The following DLG2 variants were observed in gnomAD, a reference collection of about 807,000 sequenced individuals.
The protein encoded by DLG2 is disks large homolog 2.
A neutral mutation model predicts 132.5 loss-of-function variants in DLG2; 45 were observed. That is an observed-to-expected ratio of 0.34 (90% confidence interval 0.27 to 0.44). The LOEUF (loss-of-function observed/expected upper bound fraction) is 0.44. DLG2 is among the 20% of genes least tolerant of loss of function. DLG2 has a pLI of 1.00. For synonymous variants in DLG2, 424 were observed against 419.6 expected, an observed-to-expected ratio of 1.01 and a Z score of -0.13; for missense variants, 1,045 against 1,196.9, an observed-to-expected ratio of 0.87 and a Z score of 1.87.
At chr11:85,129,509 C>T (rs2075480174) in intron 5 of DLG2, among the ~76,000 whole-genome samples, 1 of 152,128 alleles carries the variant, frequency 6.6e-6, no homozygotes, top group Admixed American at 6.6e-5. Flanking sequence ...GAGATGGTAT[C>T]TCATTGTGGT....
intron 6 of DLG2, among the ~76,000 whole-genome samples, chr11:85,074,356 ACT>A (rs931736880): frequency 6.6e-6 from 1 of 151,846 alleles, no homozygotes; most frequent in Non-Finnish European, 1.5e-5. Context: ...CATTTCTACC[ACT>A]TTTTTGCCAG....
At chr11:83,778,015 C>T (rs1318838824) in intron 18 of DLG2, among the ~76,000 whole-genome samples, 1 of 152,068 alleles carries the variant, frequency 6.6e-6, no homozygotes, top group African/African-American at 2.4e-5. Flanking sequence ...AGGGACAGGA[C>T]GAGAAAAGTG....
In DLG2 at chr11:85,257,030, A is replaced by G. The variant is rs558538053; in HGVS notation, c.186+28190T>C. Among the ~76,000 whole-genome samples the G allele has an allele frequency of 1.3e-5, 2 of 152,352 alleles. 1 individual carries two copies. Reference sequence around the variant, plus strand: ...CAGGCTGAAAAAATGGAAAGTGTACATGTGAGCTAAATGTAGAAAATGAAA... The same window carrying G: ...CAGGCTGAAAAAATGGAAAGTGTACGTGTGAGCTAAATGTAGAAAATGAAA... On this transcript the variant is annotated intron_variant, in intron 4 of 27. Transcript: ENST00000376104.
At chr11:84,935,654 T>A (rs985090572) in intron 6 of DLG2, among the ~76,000 whole-genome samples, 1 of 152,168 alleles carries the variant, frequency 6.6e-6, no homozygotes, top group African/African-American at 2.4e-5. Flanking sequence ...GGGAAGAGTG[T>A]TATTGGCATC....
intron 4 of DLG2, among the ~76,000 whole-genome samples, chr11:85,224,980 G>C (rs1595520360): frequency 6.6e-6 from 1 of 152,066 alleles, no homozygotes; most frequent in Non-Finnish European, 1.5e-5. Flanking sequence ...ACTTTGATTA[G>C]AGAAGAGTGC....
chr11:85,032,925 A>G (rs1027935203), intron 6 of DLG2, among the ~76,000 whole-genome samples: 2 of 152,208 alleles, frequency 1.3e-5, no homozygotes, highest in African/African-American at 4.8e-5. Context: ...CTAATGCATT[A>G]AAAGCATCTG....
At chr11:85,429,811 G>A (rs2091040509) in intron 3 of DLG2, among the ~76,000 whole-genome samples, 1 of 152,084 alleles carries the variant, frequency 6.6e-6, no homozygotes, top group Non-Finnish European at 1.5e-5. Context: ...GATTCCTCAG[G>A]GATCTAGAAC....
At chr11:85,421,309 G>T (rs1371126100) in intron 3 of DLG2, among the ~76,000 whole-genome samples, 1 of 151,916 alleles carries the variant, frequency 6.6e-6, no homozygotes, top group African/African-American at 2.4e-5. Context: ...GATGAGCTGG[G>T]TACCTCAGTT....
chr11:83,479,241 T>C (rs762321162), intron 22 of DLG2, among the ~76,000 whole-genome samples: 2 of 152,092 alleles, frequency 1.3e-5, no homozygotes, highest in Non-Finnish European at 2.9e-5. Context: ...ATCTTTCCAC[T>C]TTTGTGCTGC....
intron 3 of DLG2, among the ~76,000 whole-genome samples, chr11:85,399,935 T>C (rs1030935668): frequency 6.6e-6 from 1 of 151,972 alleles, no homozygotes; most frequent in African/African-American, 2.4e-5. Flanking sequence ...ACCAATGGGA[T>C]CTAATTAAAC....
At chr11:84,078,628 A>G (rs1259612173) in intron 10 of DLG2, among the ~76,000 whole-genome samples, 1 of 152,230 alleles carries the variant, frequency 6.6e-6, no homozygotes, top group Non-Finnish European at 1.5e-5. Flanking sequence ...AGGTCAATTG[A>G]AGATCTGGAT....
At chr11:84,574,816 G>T (rs2099495251) in intron 6 of DLG2, among the ~76,000 whole-genome samples, 2 of 152,094 alleles carry the variant, frequency 1.3e-5, no homozygotes, top group South Asian at 4.2e-4. Flanking sequence ...TCAGTGACTG[G>T]AACCACCATC....
chr11:83,887,887 CA>C (rs1313075450), intron 15 of DLG2, among the ~76,000 whole-genome samples: 1 of 150,500 alleles, frequency 6.6e-6, no homozygotes, highest in East Asian at 1.9e-4. Context: ...AGGCCTTTGA[CA>C]AAATTCAACA....
At chr11:84,149,322 G>A (rs2095211882) in intron 9 of DLG2, among the ~76,000 whole-genome samples, 1 of 152,000 alleles carries the variant, frequency 6.6e-6, no homozygotes, top group African/African-American at 2.4e-5. Flanking sequence ...TATTTCTTGG[G>A]CTTTCTTTTA....
chr11:84,752,142 T>TTTGA (rs970394088), intron 6 of DLG2, among the ~76,000 whole-genome samples: 7 of 152,336 alleles, frequency 4.6e-5, no homozygotes, highest in Admixed American at 3.3e-4. Context: ...AGGTGGTTTG[T>TTTGA]ATTCAAGTTC....
chr11:83,716,351 A>T (rs1484627970), intron 18 of DLG2, among the ~76,000 whole-genome samples: 2 of 152,198 alleles, frequency 1.3e-5, no homozygotes, highest in African/African-American at 4.8e-5. Flanking sequence ...GTTCTTGGCC[A>T]GTTGTCTTAC....
intron 6 of DLG2, among the ~76,000 whole-genome samples, chr11:85,007,725 GAGTA>G (rs2058815011): frequency 6.8e-6 from 1 of 147,912 alleles, no homozygotes; most frequent in South Asian, 2.1e-4. Flanking sequence ...AGAAAAGAAA[GAGTA>G]AGAGAGGAGA....
intron 16 of DLG2, among the ~76,000 whole-genome samples, chr11:83,835,923 T>C (rs1395829929): frequency 6.6e-6 from 1 of 152,122 alleles, no homozygotes; most frequent in East Asian, 1.9e-4. Flanking sequence ...ACCCCTATGG[T>C]ATATACACAT....
intron 6 of DLG2, among the ~76,000 whole-genome samples, chr11:84,616,087 G>T (rs1313797541): frequency 6.6e-6 from 1 of 151,968 alleles, no homozygotes; most frequent in Admixed American, 6.6e-5. Flanking sequence ...ATCTATTTCA[G>T]ACTGGAATGG....
Sources: allele counts gnomAD v4.1 joint callset (sites outside exome capture counted in the v4.1 genomes callset), GRCh38; gene constraint gnomAD v4.1.1; transcripts MANE v1.5; gene names NCBI Gene and HGNC (gene_info 2026-07-23, HGNC 2026-07-21).